The following TRIM26 variants were observed in gnomAD, a reference collection of about 807,000 sequenced individuals.
TRIM26 encodes tripartite motif-containing protein 26.
A neutral mutation model predicts 45.5 loss-of-function variants in TRIM26; 16 were observed. The observed-to-expected ratio is 0.35, with a 90% CI of 0.24 to 0.53. TRIM26 has a LOEUF of 0.53. Ranked by LOEUF, TRIM26 falls within the 20% of genes least tolerant of loss-of-function variation. The pLI is 0.92. For missense variants in TRIM26, 442 were observed against 691.1 expected, an observed-to-expected ratio of 0.64 and a Z score of 4.04; for synonymous variants, 273 against 290.4, an observed-to-expected ratio of 0.94 and a Z score of 0.61.
chr6:30,211,896 C>T (rs1047458813), intron 1 of TRIM26, among the ~76,000 whole-genome samples: 16 of 152,112 alleles, frequency 1.1e-4, no homozygotes, highest in African/African-American at 3.9e-4. Flanking sequence ...TAACTGCAAA[C>T]AATAATATGT....
In TRIM26 at chr6:30,189,155, C is replaced by T. The variant is rs1345095846; in HGVS notation, c.937+12G>A. On this transcript the variant is annotated intron_variant, in intron 9 of 9. Transcript: ENST00000454678. The surrounding 1 kb of genome is among the most constrained non-coding windows in gnomAD (Gnocchi z 5.0). ...TTGATGTACATCTGGGAAACACCCTCTAGACACTCACCTGTCTTATATTCC... is the reference window on the plus strand; with the variant it reads ...TTGATGTACATCTGGGAAACACCCTTTAGACACTCACCTGTCTTATATTCC... 2 of 1,612,234 alleles carry T rather than the reference C, an allele frequency of 1.2e-6. No homozygotes were observed. Among genetic ancestry groups the T allele is most frequent in the Middle Eastern group, 1.7e-4 (1 of 5,792 alleles).
intron 6 of TRIM26, among the ~76,000 whole-genome samples, chr6:30,194,242 C>T (rs1380738592): frequency 1.3e-5 from 2 of 150,884 alleles, no homozygotes; most frequent in African/African-American, 4.9e-5. Flanking sequence ...CAATGGAGTA[C>T]TATTCATCCA....
intron 9 of TRIM26, among the ~76,000 whole-genome samples, chr6:30,188,016 G>A (rs571805352): frequency 0.011 from 1,599 of 146,148 alleles, 38 homozygotes; most frequent in African/African-American, 0.037. Context: ...TCAGGAGATC[G>A]AGACCATCCT....
Position 30,190,116 on chromosome 6 carries a change from A to T in TRIM26, c.766-81T>A. On this transcript the variant is annotated intron_variant, in intron 6 of 9. Coordinates refer to ENST00000454678, the MANE Select transcript of TRIM26 (RefSeq NM_003449.5). This position sits in a 1 kb window ranked among gnomAD's most constrained non-coding sequence, Gnocchi z 4.3. ...GCATCTGCACCCAACACTGTAGCAG[A>T]GATGGGACATATCAGTGAACAAAAC... is the stretch of plus-strand genomic sequence containing the variant. 3 of 1,463,740 alleles carry T rather than the reference A, an allele frequency of 2.0e-6. No homozygotes were observed. The highest frequency in any genetic ancestry group is 2.3e-5 in the South Asian group (2 of 86,470). The allele number at this position is 1,463,740 out of a possible 1,614,324, so 90.7% of individuals were successfully genotyped here.
At chr6:30,197,060 C>T (rs890276767) in intron 5 of TRIM26, among the ~76,000 whole-genome samples, 3 of 152,212 alleles carry the variant, frequency 2.0e-5, no homozygotes, top group African/African-American at 7.2e-5. Context: ...GTGGGTCTCA[C>T]TCATGAGCCG....
intron 2 of TRIM26, among the ~76,000 whole-genome samples, chr6:30,201,573 C>T (rs1406787827): frequency 2.0e-5 from 3 of 152,070 alleles, no homozygotes; most frequent in Non-Finnish European, 2.9e-5. Flanking sequence ...TGGCCGGGCA[C>T]GGTGGCTCAC....
chr6:30,195,076 A>T (rs1016921019), intron 6 of TRIM26, among the ~76,000 whole-genome samples: 4 of 151,876 alleles, frequency 2.6e-5, no homozygotes, highest in African/African-American at 9.7e-5. Flanking sequence ...CCCCAGGGAG[A>T]GCTGCAATCT....
chr6:30,195,879 G>C (rs1187114120), intron 6 of TRIM26, among the ~76,000 whole-genome samples: 1 of 152,156 alleles, frequency 6.6e-6, no homozygotes, highest in Admixed American at 6.5e-5. Flanking sequence ...GAGGCTCCCG[G>C]GGGGGAGGAG....
At chr6:30,199,493 T>C (rs1776877747) in intron 3 of TRIM26, among the ~76,000 whole-genome samples, 1 of 152,198 alleles carries the variant, frequency 6.6e-6, no homozygotes, top group Non-Finnish European at 1.5e-5. Context: ...TCTCACTACC[T>C]GCTGGGAAAC....
rs1015024125 is a variant in TRIM26 at position 30,196,756 on chromosome 6, G to T, written c.535-10C>A. ...GGTCCTGGAGCTTCTTCTGCAGGGG[G>T]CAGGAAGGGGAGAAGGGCTGACACC... On this transcript the variant is annotated splice_polypyrimidine_tract_variant and intron_variant, in intron 5 of 9. Transcript: ENST00000454678. The surrounding 1 kb of genome is among the most constrained non-coding windows in gnomAD (Gnocchi z 4.9). 6.2e-7 allele frequency: 1 copy of T among 1,613,752 alleles called. No homozygotes were observed. Among genetic ancestry groups the T allele is most frequent in the Non-Finnish European group, 8.5e-7 (1 of 1,179,720 alleles).
rs573237830 is a variant in TRIM26 at position 30,189,473 on chromosome 6, G to A, written c.849C>T (p.Thr283=). The change falls in exon 8 of 10, where the codon ACC becomes ACT. Residue 283 remains threonine (T), a synonymous_variant. Coordinates refer to ENST00000454678, the MANE Select transcript of TRIM26 (RefSeq NM_003449.5). This position sits in a 1 kb window ranked among gnomAD's most constrained non-coding sequence, Gnocchi z 5.0. ...AGAGGAGTTTATCTGAGAATTCTCC[G>A]GTCTTTTTTTTAACCACTCGAGCAA... ...KPIARVVKKK[T]GEFSDKLLSL... The A allele has an allele frequency of 8.9e-5, 143 of 1,612,820 alleles. No individual in the cohort carries two copies. The highest frequency in any genetic ancestry group is 1.1e-4 in the Non-Finnish European group (133 of 1,180,008).
At position 30,207,824 on chromosome 6, in the gene TRIM26, C is replaced by T. The variant is rs1777873189; in HGVS notation, c.-375-3059G>A. On this transcript the variant is annotated intron_variant, in intron 1 of 9. Transcript: ENST00000454678. The surrounding 1 kb of genome is among the most constrained non-coding windows in gnomAD (Gnocchi z 4.9). Reference sequence around the variant, plus strand: ...AATGTAATTCCTTCTGCCTAGAACACCATCCCTTTCCCACTTAGCAAATGC... The same window carrying T: ...AATGTAATTCCTTCTGCCTAGAACATCATCCCTTTCCCACTTAGCAAATGC... Among the ~76,000 whole-genome samples the T allele has an allele frequency of 6.6e-6, 1 of 152,192 alleles. No individual in the cohort carries two copies. The highest frequency in any genetic ancestry group is 6.5e-5 in the Admixed American group (1 of 15,278).
intron 1 of TRIM26, among the ~76,000 whole-genome samples, chr6:30,212,876 C>G (rs1262375724): frequency 1.4e-5 from 2 of 139,096 alleles, no homozygotes; most frequent in Non-Finnish European, 3.0e-5. Flanking sequence ...AGTGAAAGCA[C>G]AGCTCCAAGT....
rs191649505 is a variant in TRIM26 at position 30,207,135 on chromosome 6, G to C, written c.-375-2370C>G. Among the ~76,000 whole-genome samples, 773 of 152,334 alleles carry C rather than the reference G, an allele frequency of 5.1e-3. 6 individuals are homozygous for C. Among genetic ancestry groups the C allele is most frequent in the African/African-American group, 0.015 (607 of 41,574 alleles). ...GGCCACAGGTGGAGTGCAGTGAGGC[G>C]AGCAGAGGAAGGGTGGAGAAACAGG... On this transcript the variant is annotated intron_variant, in intron 1 of 9. Coordinates refer to ENST00000454678, the MANE Select transcript of TRIM26 (RefSeq NM_003449.5). The surrounding 1 kb of genome is among the most constrained non-coding windows in gnomAD (Gnocchi z 4.9).
intron 9 of TRIM26, chr6:30,188,299 G>A (rs1339821968): frequency 8.4e-6 from 4 of 477,844 alleles, no homozygotes; most frequent in Admixed American, 3.5e-5. Flanking sequence ...AGCATCATCT[G>A]TTGTAACACA....
intron 1 of TRIM26, among the ~76,000 whole-genome samples, chr6:30,206,943 G>T (rs1053813552): frequency 8.5e-5 from 13 of 152,342 alleles, no homozygotes; most frequent in African/African-American, 3.1e-4. Context: ...GGGGTGAGGT[G>T]CACCTCCCAG....
chr6:30,186,536 C>T lies in TRIM26; in HGVS notation c.960G>A (p.Gln320=). The T allele has an allele frequency of 6.6e-7, 1 of 1,519,998 alleles. No homozygotes were observed. Among genetic ancestry groups the T allele is most frequent in the Non-Finnish European group, 8.8e-7 (1 of 1,137,414 alleles). 94.2% of individuals were successfully genotyped at this position (1,519,998 alleles called of 1,614,324 possible). ...YKTVSVTLDP[Q]SASGYLQLSE... ...ACAGCTGCAGGTACCCACTGGCCGA[C>T]TGTGGGTCCAGGGTGACGCTCACTG... Residue 320 remains glutamine, a synonymous_variant, in exon 10 of 10, where the codon CAG becomes CAA. Transcript: ENST00000454678. The surrounding 1 kb of genome is among the most constrained non-coding windows in gnomAD (Gnocchi z 7.4).
intron 1 of TRIM26, among the ~76,000 whole-genome samples, 194 bp from the exon 2 acceptor site, chr6:30,204,959 C>T (rs1777577398): frequency 1.3e-5 from 2 of 152,076 alleles, no homozygotes; most frequent in African/African-American, 2.4e-5. Flanking sequence ...AAACCAGAAG[C>T]GGCCGGGCGC....
At chr6:30,212,487 G>A (rs1040164097) in intron 1 of TRIM26, among the ~76,000 whole-genome samples, 1 of 152,168 alleles carries the variant, frequency 6.6e-6, no homozygotes, top group Non-Finnish European at 1.5e-5. Flanking sequence ...GGAGCATGTG[G>A]GAAGTTTGTA....
Sources: gnomAD v4.1 joint callset for allele counts (sites outside exome capture counted in the v4.1 genomes callset) on GRCh38, gnomAD v4.1.1 for gene constraint, Gnocchi (gnomAD v3.1) non-coding constraint, MANE v1.5 for transcripts, NCBI Gene and HGNC (gene_info 2026-07-23, HGNC 2026-07-21) for gene names.